Variants in ANK3 observed in about 807,000 individuals in gnomAD.
ANK3 encodes ankyrin-3.
In ANK3, 57 loss-of-function variants were observed where a neutral mutation model predicts 370.9. That is an observed-to-expected ratio of 0.15 (90% confidence interval 0.12 to 0.19). The LOEUF is 0.19. Ranked by LOEUF, ANK3 falls within the 10% of genes least tolerant of loss-of-function variation. The probability of loss-of-function intolerance (pLI) is 1.00; values close to 1 mark genes in which losing one functional copy is unlikely to be tolerated. For missense variants in ANK3, 4,439 were observed against 5,302.1 expected, an observed-to-expected ratio of 0.84 and a Z score of 5.06; for synonymous variants, 1,929 against 1,946.3, an observed-to-expected ratio of 0.99 and a Z score of 0.23.
At chr10:60,591,401 G>C (rs947825055) in intron 2 of ANK3, among the ~76,000 whole-genome samples, 1 of 150,982 alleles carries the variant, frequency 6.6e-6, no homozygotes, top group African/African-American at 2.4e-5. Context: ...GTGCAGTGGA[G>C]CAATTATGGC....
chr10:60,713,868 A>AAAAAAG lies in ANK3; in HGVS notation c.57+19389_57+19394dup, dbSNP rs201221784. 9.7e-3 allele frequency among the ~76,000 whole-genome samples: 1,476 copies of AAAAAAG among 152,136 alleles called. 17 individuals carry two copies. Among genetic ancestry groups the AAAAAAG allele is most frequent in the African/African-American group, 0.034 (1,403 of 41,462 alleles). On this transcript the variant is annotated intron_variant, in intron 1 of 43. Transcript: ENST00000373827. ...GCAACAGAGTGAGACTCCGTCTCAA[A>AAAAAAG]AAAAAGAAAAAGAAAAAGAAAAATT...
At chr10:60,533,692 G>T (rs1421331327) in intron 2 of ANK3, among the ~76,000 whole-genome samples, 1 of 152,072 alleles carries the variant, frequency 6.6e-6, no homozygotes, top group African/African-American at 2.4e-5. Flanking sequence ...TTAGGGAATA[G>T]CTGTCTTATA....
intron 28 of ANK3, among the ~76,000 whole-genome samples, chr10:60,091,377 T>C (rs138831756): frequency 2.0e-3 from 307 of 152,334 alleles, no homozygotes; most frequent in African/African-American, 6.9e-3. Context: ...TGTAGAGCAC[T>C]GATCTAGTCA....
rs766573204 is a variant in ANK3 at position 60,074,833 on chromosome 10, C to T, written c.6048G>A (p.Val2016=). The part of the protein sequence containing the change: ...ASQSPSLPER[V]QVKAKAASEK... The stretch of plus-strand genomic sequence containing the variant: ...CGGAGGCGGCTTTTGCTTTTACTTG[C>T]ACTCTCTCTGGCAGAGATGGAGACT... Residue 2016 remains valine, a synonymous_variant, in exon 37 of 44, where the codon GTG becomes GTA. Transcript: ENST00000280772. 6.2e-7 allele frequency: 1 copy of T among 1,613,720 alleles called. No individual in the cohort carries two copies. Among genetic ancestry groups the T allele is most frequent in the Admixed American group, 1.7e-5 (1 of 59,950 alleles).
chr10:60,132,561 C>T (rs2094138255), intron 25 of ANK3, among the ~76,000 whole-genome samples: 1 of 152,086 alleles, frequency 6.6e-6, no homozygotes, highest in African/African-American at 2.4e-5. Flanking sequence ...ATAAATTACC[C>T]AGTCTCTAGT....
chr10:60,156,291 C>G (rs1051412329), intron 23 of ANK3, among the ~76,000 whole-genome samples: 8 of 152,214 alleles, frequency 5.3e-5, no homozygotes, highest in African/African-American at 1.7e-4. Context: ...CAGGGAAACT[C>G]CTGTACCTCC....
intron 7 of ANK3, among the ~76,000 whole-genome samples, chr10:60,244,896 G>A (rs944756560): frequency 1.3e-5 from 2 of 152,250 alleles, no homozygotes; most frequent in East Asian, 3.9e-4. Context: ...TGGGCCGGGC[G>A]CGGTGGCTCA....
At chr10:60,569,648 A>T (rs1295248747) in intron 2 of ANK3, among the ~76,000 whole-genome samples, 1 of 152,216 alleles carries the variant, frequency 6.6e-6, no homozygotes, top group Non-Finnish European at 1.5e-5. Context: ...GAATAATATG[A>T]TTCCATCACA....
intron 1 of ANK3, among the ~76,000 whole-genome samples, chr10:60,652,270 C>T (rs959555820): frequency 2.6e-5 from 4 of 151,998 alleles, no homozygotes; most frequent in East Asian, 1.9e-4. Context: ...GGCATAGTGG[C>T]GCACACCTGT....
intron 1 of ANK3, among the ~76,000 whole-genome samples, chr10:60,383,531 A>G (rs1370308058): frequency 6.6e-6 from 1 of 152,126 alleles, no homozygotes; most frequent in Non-Finnish European, 1.5e-5. Context: ...TCATACACTC[A>G]TTCACCACCC....
At chr10:60,213,606 G>T in intron 8 of ANK3, 96 bp from the exon 9 acceptor site, 2 of 650,414 alleles carry the variant, frequency 3.1e-6, no homozygotes, top group Non-Finnish European at 2.4e-6. Flanking sequence ...CCAACATGCT[G>T]TGGTCAAGCG....
intron 1 of ANK3, among the ~76,000 whole-genome samples, chr10:60,616,926 TTTC>T (rs995086233): frequency 6.6e-5 from 10 of 152,214 alleles, no homozygotes; most frequent in African/African-American, 2.4e-4. Context: ...CGAGTTATTT[TTTC>T]TTGTTATTAC....
intron 23 of ANK3, among the ~76,000 whole-genome samples, chr10:60,147,726 G>A (rs569086771): frequency 2.6e-5 from 4 of 152,210 alleles, no homozygotes; most frequent in South Asian, 2.1e-4. Context: ...CTCCTGCACC[G>A]GCCTTGTAAA....
Position 60,157,879 on chromosome 10 carries a change from A to C in ANK3, c.2614+8712T>G, listed in dbSNP as rs553715772. 3.1e-3 allele frequency among the ~76,000 whole-genome samples: 313 copies of C among 102,136 alleles called. 2 individuals are homozygous for C. Among genetic ancestry groups the C allele is most frequent in the African/African-American group, 0.01 (291 of 28,072 alleles). The allele number at this position is 102,136 out of a possible 152,430, so 67.0% of individuals were successfully genotyped here. ...AGAGAATGGAGAGACAGAGAGAGAG[A>C]GAGAAAAAGAGAGAGAGAGAGAGAG... is the stretch of plus-strand genomic sequence containing the variant. On this transcript the variant is annotated intron_variant, in intron 23 of 43. Transcript: ENST00000280772.
At chr10:60,213,086 C>T (rs1051079312) in intron 9 of ANK3, among the ~76,000 whole-genome samples, 12 of 152,012 alleles carry the variant, frequency 7.9e-5, no homozygotes, top group African/African-American at 1.9e-4. Flanking sequence ...GGCACCCAAA[C>T]GTTAGAGAGT....
At chr10:60,421,453 A>T (rs1159182794) in intron 2 of ANK3, among the ~76,000 whole-genome samples, 2 of 151,938 alleles carry the variant, frequency 1.3e-5, no homozygotes, top group East Asian at 3.9e-4. Context: ...ACACAATGAG[A>T]GTGGGGAGGG....
chr10:60,132,059 A>AC (rs1399852103), intron 25 of ANK3, among the ~76,000 whole-genome samples: 2 of 152,132 alleles, frequency 1.3e-5, no homozygotes, highest in Non-Finnish European at 2.9e-5. Flanking sequence ...CAATATCTCC[A>AC]CTGCCATCTC....
At chr10:60,181,564 T>A in intron 17 of ANK3, 137 bp from the exon 18 acceptor site, 1 of 814,386 alleles carries the variant, frequency 1.2e-6, no homozygotes, top group Non-Finnish European at 2.0e-6. Flanking sequence ...GGAATAAATT[T>A]ATATGCTTGG....
At chr10:60,443,905 T>C (rs2064366247) in intron 2 of ANK3, among the ~76,000 whole-genome samples, 1 of 152,194 alleles carries the variant, frequency 6.6e-6, no homozygotes, top group Admixed American at 6.6e-5. Flanking sequence ...TGGGAGCCCA[T>C]GTCCATCGCA....
Sources: gnomAD v4.1 joint callset for allele counts (sites outside exome capture counted in the v4.1 genomes callset) on GRCh38, gnomAD v4.1.1 for gene constraint, MANE v1.5 for transcripts, NCBI Gene and HGNC (gene_info 2026-07-23, HGNC 2026-07-21) for gene names.